The following MPZL1 variants were observed in gnomAD, a reference collection of about 807,000 sequenced individuals.
MPZL1 encodes the protein myelin protein zero-like protein 1.
A neutral mutation model predicts 29.3 loss-of-function variants in MPZL1; 16 were observed. That is an observed-to-expected ratio of 0.55 (90% CI 0.37 to 0.83). MPZL1 has a LOEUF of 0.83. Ranked by LOEUF, MPZL1 falls within the 40% of genes least tolerant of loss-of-function variation. The pLI is 0.00. For missense variants in MPZL1, 279 were observed against 332.9 expected, an observed-to-expected ratio of 0.84 and a Z score of 1.26; for synonymous variants, 143 against 132.0, an observed-to-expected ratio of 1.08 and a Z score of -0.57.
intron 1 of MPZL1, among the ~76,000 whole-genome samples, chr1:167,753,747 A>G (rs1660807192): frequency 6.6e-6 from 1 of 151,788 alleles, no homozygotes; most frequent in Admixed American, 6.6e-5. Flanking sequence ...CTCCTACCTC[A>G]GTCTCCCAGG....
intron 1 of MPZL1, among the ~76,000 whole-genome samples, chr1:167,764,890 A>C (rs1173757695): frequency 6.6e-6 from 1 of 152,258 alleles, no homozygotes; most frequent in Admixed American, 6.5e-5. Flanking sequence ...CAACCTTAAA[A>C]GGCTACATGC....
intron 1 of MPZL1, among the ~76,000 whole-genome samples, chr1:167,736,894 G>A (rs1033454907): frequency 1.3e-5 from 2 of 152,166 alleles, no homozygotes; most frequent in African/African-American, 4.8e-5. Flanking sequence ...TCTCTGGGAT[G>A]TACTTAGGTC....
intron 1 of MPZL1, among the ~76,000 whole-genome samples, chr1:167,736,359 A>G (rs1257128708): frequency 6.6e-6 from 1 of 152,152 alleles, no homozygotes; most frequent in African/African-American, 2.4e-5. Flanking sequence ...GTGACTCCCA[A>G]ATATATCCCC....
At chr1:167,774,505 T>C (rs976550222) in intron 4 of MPZL1, 9 of 152,386 alleles carry the variant, frequency 5.9e-5, no homozygotes, top group African/African-American at 2.2e-4. Context: ...TCTATTCTGC[T>C]GACTGTATCT....
chr1:167,761,066 A>G (rs1660976747), intron 1 of MPZL1, among the ~76,000 whole-genome samples: 1 of 152,236 alleles, frequency 6.6e-6, no homozygotes, highest in African/African-American at 2.4e-5. Context: ...CATGGAGGTC[A>G]TTGCATTCCT....
chr1:167,768,020 T>A (rs1661155242), intron 2 of MPZL1, among the ~76,000 whole-genome samples: 1 of 152,110 alleles, frequency 6.6e-6, no homozygotes. Context: ...CCTGTGTCTC[T>A]GCTGTCTATT....
At chr1:167,779,832 AC>A (rs1661454896) in intron 5 of MPZL1, among the ~76,000 whole-genome samples, 1 of 152,238 alleles carries the variant, frequency 6.6e-6, no homozygotes. Flanking sequence ...GATACAGCTA[AC>A]AAGCTCTATC....
chr1:167,733,646 G>A (rs992307988), intron 1 of MPZL1, among the ~76,000 whole-genome samples: 1 of 152,092 alleles, frequency 6.6e-6, no homozygotes, highest in African/African-American at 2.4e-5. Flanking sequence ...TCAGGAGGCT[G>A]AGGCACAAGA....
Position 167,788,000 on chromosome 1 carries a change from A to C in MPZL1, c.*79A>C. ...TGCAGAAAATGTAGCCCATTACCAC[A>C]TGTAGCCTTGGAGACCCAGGCAAGG... On this transcript the variant is annotated 3_prime_UTR_variant, in exon 6 of 6. Coordinates refer to ENST00000359523, the MANE Select transcript of MPZL1 (RefSeq NM_003953.6). The C allele has an allele frequency of 8.2e-7, 1 of 1,219,118 alleles. No homozygotes were observed. 75.5% of individuals were successfully genotyped at this position (1,219,118 alleles called of 1,614,324 possible). A position where few individuals can be genotyped will look rare whatever the true frequency, so the allele number is the denominator to read the frequency against.
At chr1:167,737,137 T>C (rs919804382) in intron 1 of MPZL1, among the ~76,000 whole-genome samples, 3 of 152,200 alleles carry the variant, frequency 2.0e-5, no homozygotes, top group African/African-American at 7.2e-5. Context: ...TTTTATATGA[T>C]TGTCTCCCCA....
At chr1:167,783,747 AT>A (rs879619215) in intron 5 of MPZL1, among the ~76,000 whole-genome samples, 4 of 152,072 alleles carry the variant, frequency 2.6e-5, no homozygotes, top group African/African-American at 9.7e-5. Flanking sequence ...ATCCTGTCCA[AT>A]TTTTTTCACC....
chr1:167,767,910 C>G (rs185861818), intron 2 of MPZL1, among the ~76,000 whole-genome samples: 54 of 149,426 alleles, frequency 3.6e-4, no homozygotes, highest in Admixed American at 6.8e-4. Context: ...TCTGTCCTTT[C>G]CTTCCCTGTC....
At chr1:167,763,274 G>A (rs772752276) in intron 1 of MPZL1, among the ~76,000 whole-genome samples, 5 of 152,116 alleles carry the variant, frequency 3.3e-5, no homozygotes, top group East Asian at 1.9e-4. Flanking sequence ...CAGCACTTTG[G>A]GGGGGCCGGG....
intron 2 of MPZL1, among the ~76,000 whole-genome samples, chr1:167,769,709 G>A (rs1456129014): frequency 6.6e-6 from 1 of 152,148 alleles, no homozygotes; most frequent in Non-Finnish European, 1.5e-5. Context: ...CATATGAAAT[G>A]CAGGGTAAAT....
intron 4 of MPZL1, among the ~76,000 whole-genome samples, chr1:167,775,714 T>C (rs1393224767): frequency 2.6e-5 from 4 of 152,192 alleles, no homozygotes; most frequent in Non-Finnish European, 5.9e-5. Context: ...TAAACCTTTA[T>C]CCCAAAGGAG....
chr1:167,777,397 A>T (rs1045414819), intron 5 of MPZL1, among the ~76,000 whole-genome samples: 1 of 152,196 alleles, frequency 6.6e-6, no homozygotes, highest in Non-Finnish European at 1.5e-5. Context: ...GAAACAGACA[A>T]TGTGAGCCGT....
intron 1 of MPZL1, among the ~76,000 whole-genome samples, chr1:167,746,359 A>G (rs1312060967): frequency 6.6e-6 from 1 of 152,004 alleles, no homozygotes; most frequent in Non-Finnish European, 1.5e-5. Context: ...AGCCTTTGAA[A>G]GGCTCTGTGT....
At chr1:167,755,005 C>G (rs1188387130) in intron 1 of MPZL1, among the ~76,000 whole-genome samples, 1 of 152,134 alleles carries the variant, frequency 6.6e-6, no homozygotes, top group Non-Finnish European at 1.5e-5. Flanking sequence ...AGTTGGTGAA[C>G]CTACAGTAAC....
At chr1:167,754,122 C>G (rs1055681193) in intron 1 of MPZL1, among the ~76,000 whole-genome samples, 2 of 152,152 alleles carry the variant, frequency 1.3e-5, no homozygotes, top group African/African-American at 4.8e-5. Context: ...CTCAGCCTCC[C>G]AAGTAGCTGA....
Sources: allele counts gnomAD v4.1 joint callset (sites outside exome capture counted in the v4.1 genomes callset), GRCh38; gene constraint gnomAD v4.1.1; transcripts MANE v1.5; gene names NCBI Gene and HGNC (gene_info 2026-07-23, HGNC 2026-07-21).